TMEM178B: variants seen among roughly 807,000 people sequenced by gnomAD.
TMEM178B encodes transmembrane protein 178B.
A neutral mutation model predicts 31.0 loss-of-function variants in TMEM178B; 5 were observed. The ratio of observed to expected loss-of-function variants is 0.16; its 90% confidence interval spans 0.08 to 0.34. TMEM178B has a LOEUF of 0.34. TMEM178B is among the 10% of genes least tolerant of loss of function. The probability of loss-of-function intolerance (pLI) is 1.00; values close to 1 mark genes in which losing one functional copy is unlikely to be tolerated. For missense variants in TMEM178B, 275 were observed against 400.3 expected (o/e 0.69, Z 2.67); for synonymous variants, 164 against 164.0 (o/e 1.00, Z 0.00).
Position 141,322,582 on chromosome 7 carries a change from A to G in TMEM178B, c.496+109878A>G, listed in dbSNP as rs1409413396. 3.9e-5 allele frequency among the ~76,000 whole-genome samples: 6 copies of G among 152,168 alleles called. No homozygotes were observed. The East Asian group carries it at 7.7e-4, about 20-fold the overall frequency. ...CAAAGAACACAAAGAATACAGAGTCATAGGAGTCTGGGGTCAAAAAACTTC... is the reference window on the plus strand; with the variant it reads ...CAAAGAACACAAAGAATACAGAGTCGTAGGAGTCTGGGGTCAAAAAACTTC... On this transcript the variant is annotated intron_variant, in intron 2 of 3. Coordinates refer to ENST00000565468, the MANE Select transcript of TMEM178B (RefSeq NM_001195278.2).
intron 2 of TMEM178B, among the ~76,000 whole-genome samples, chr7:141,437,133 G>A (rs896991190): frequency 6.6e-6 from 1 of 152,172 alleles, no homozygotes; most frequent in Non-Finnish European, 1.5e-5. Flanking sequence ...CCCAGATCCA[G>A]CAGCCCATTT....
chr7:141,466,547 A>G (rs1304621525), intron 3 of TMEM178B, among the ~76,000 whole-genome samples: 2 of 152,172 alleles, frequency 1.3e-5, no homozygotes, highest in Non-Finnish European at 2.9e-5. Context: ...AGAACAAATC[A>G]CTGGACTTCT....
intron 1 of TMEM178B, among the ~76,000 whole-genome samples, chr7:141,212,319 G>C (rs2129187819): frequency 6.6e-6 from 1 of 152,236 alleles, no homozygotes; most frequent in South Asian, 2.1e-4. Context: ...TGATTTTCTT[G>C]GGAATGTTAG....
At chr7:141,334,900 C>G (rs766928184) in intron 2 of TMEM178B, among the ~76,000 whole-genome samples, 6 of 152,192 alleles carry the variant, frequency 3.9e-5, no homozygotes, top group Non-Finnish European at 5.9e-5. Flanking sequence ...AGCTGCCAGG[C>G]AGCTGGTAAA....
intron 1 of TMEM178B, among the ~76,000 whole-genome samples, chr7:141,208,039 A>C (rs1024338044): frequency 6.6e-6 from 1 of 152,118 alleles, no homozygotes; most frequent in Non-Finnish European, 1.5e-5. Context: ...AAAAATAAAA[A>C]AAAATTAACT....
At chr7:141,497,150 C>A in the TMEM178B span, among the ~76,000 whole-genome samples, 1 of 152,152 alleles carries the variant, frequency 6.6e-6, no homozygotes, top group African/African-American at 2.4e-5. Flanking sequence ...GGTAGAGAAG[C>A]CATCCCTAAT....
intron 3 of TMEM178B, among the ~76,000 whole-genome samples, chr7:141,440,780 G>A (rs540013795): frequency 6.6e-6 from 1 of 152,288 alleles, no homozygotes; most frequent in East Asian, 1.9e-4. Context: ...TGCTGACTGC[G>A]GCACCTTCCA....
chr7:141,428,681 T>C (rs898943622), intron 2 of TMEM178B, among the ~76,000 whole-genome samples: 5 of 151,962 alleles, frequency 3.3e-5, no homozygotes, highest in Non-Finnish European at 5.9e-5. Flanking sequence ...GGGAGAGAAA[T>C]GGAAACCCTG....
chr7:141,384,477 T>C (rs1020171608), intron 2 of TMEM178B, among the ~76,000 whole-genome samples: 5 of 152,246 alleles, frequency 3.3e-5, no homozygotes, highest in Non-Finnish European at 4.4e-5. Context: ...TAGGGAATCC[T>C]TTCCCCATTT....
intron 2 of TMEM178B, among the ~76,000 whole-genome samples, chr7:141,395,275 C>CA (rs2116610721): frequency 6.6e-6 from 1 of 152,194 alleles, no homozygotes; most frequent in South Asian, 2.1e-4. Flanking sequence ...CCCATCTCTA[C>CA]AAAAAATACA....
At chr7:141,217,339 T>G (rs1797173135) in intron 2 of TMEM178B, among the ~76,000 whole-genome samples, 1 of 151,614 alleles carries the variant, frequency 6.6e-6, no homozygotes, top group Non-Finnish European at 1.5e-5. Context: ...TGATAGGGAG[T>G]GGGGGGTCTG....
chr7:141,316,552 C>CTG lies in TMEM178B; in HGVS notation c.496+103864_496+103865dup, dbSNP rs74917510. Among the ~76,000 whole-genome samples, 728 of 150,730 alleles carry CTG rather than the reference C, an allele frequency of 4.8e-3. 16 individuals are homozygous for CTG. In the East Asian group the frequency reaches 0.06, roughly 12 times the overall value. ...GCCTGGAAAAATTGCCTCTGGACTGCTGTGTGTGTGTGTGTGTCATCCACA... is the reference window on the plus strand; with the variant it reads ...GCCTGGAAAAATTGCCTCTGGACTGCTGTGTGTGTGTGTGTGTGTCATCCACA... On this transcript the variant is annotated intron_variant, in intron 2 of 3. Transcript: ENST00000565468.
At chr7:141,263,593 C>CAAGTG (rs1798049873) in intron 2 of TMEM178B, among the ~76,000 whole-genome samples, 2 of 152,138 alleles carry the variant, frequency 1.3e-5, no homozygotes, top group Admixed American at 1.3e-4. Flanking sequence ...CAAGGACTTG[C>CAAGTG]AAGTGAAGGC....
chr7:141,224,962 G>C (rs1010533060), intron 2 of TMEM178B, among the ~76,000 whole-genome samples: 2 of 152,226 alleles, frequency 1.3e-5, no homozygotes, highest in Non-Finnish European at 2.9e-5. Flanking sequence ...AATCTCTAAA[G>C]GGATTGACCG....
At chr7:141,345,117 A>C (rs1432679560) in intron 2 of TMEM178B, among the ~76,000 whole-genome samples, 1 of 152,204 alleles carries the variant, frequency 6.6e-6, no homozygotes. Flanking sequence ...GATATATTTC[A>C]TATATATTGC....
At chr7:141,190,170 T>C (rs986574215) in intron 1 of TMEM178B, among the ~76,000 whole-genome samples, 1 of 152,222 alleles carries the variant, frequency 6.6e-6, no homozygotes, top group Non-Finnish European at 1.5e-5. Flanking sequence ...GAAAATGCAC[T>C]TAATATACCT....
At chr7:141,398,052 G>C (rs1800689306) in intron 2 of TMEM178B, among the ~76,000 whole-genome samples, 1 of 152,152 alleles carries the variant, frequency 6.6e-6, no homozygotes, top group Non-Finnish European at 1.5e-5. Flanking sequence ...GTGTGGAGTG[G>C]GCAGGTAGGA....
chr7:141,343,511 T>A (rs982996038), intron 2 of TMEM178B, among the ~76,000 whole-genome samples: 1 of 148,768 alleles, frequency 6.7e-6, no homozygotes, highest in Non-Finnish European at 1.5e-5. Flanking sequence ...TAGCCACAGC[T>A]GTGATGGGAG....
downstream of TMEM178B, among the ~76,000 whole-genome samples, chr7:141,481,236 T>C (rs999674723): frequency 1.3e-5 from 2 of 152,184 alleles, no homozygotes; most frequent in African/African-American, 4.8e-5. Context: ...GAATCCCACA[T>C]GGGTGCGCCA....
Sources: allele counts gnomAD v4.1 joint callset (sites outside exome capture counted in the v4.1 genomes callset), GRCh38; gene constraint gnomAD v4.1.1; transcripts MANE v1.5; gene names NCBI Gene and HGNC (gene_info 2026-07-23, HGNC 2026-07-21).